DYNC1H1: variants seen among roughly 807,000 people sequenced by gnomAD.
DYNC1H1 encodes the protein dynein cytoplasmic 1 heavy chain 1, also known as cytoplasmic dynein 1 heavy chain 1.
DYNC1H1 carries 51 observed loss-of-function variants against 527.1 expected under a neutral mutation model. The observed-to-expected ratio is 0.10, with a 90% CI of 0.08 to 0.12. The LOEUF (loss-of-function observed/expected upper bound fraction) is 0.12. Among genes scored for constraint, DYNC1H1 ranks in the 10% least tolerant of loss-of-function variants. The pLI is 1.00. For missense variants in DYNC1H1, 2,771 were observed against 5,971.8 expected (o/e 0.46, Z 17.66); for synonymous variants, 2,189 against 2,278.8 (o/e 0.96, Z 1.12).
At chr14:102,014,545 A>T (rs1308489213) in intron 34 of DYNC1H1, among the ~76,000 whole-genome samples, 1 of 151,416 alleles carries the variant, frequency 6.6e-6, no homozygotes, top group African/African-American at 2.4e-5. Context: ...AAAAAAAAAA[A>T]CACCAGAGAC....
chr14:101,985,055 C>T lies in DYNC1H1; in HGVS notation c.1462-632C>T, dbSNP rs2047919272. 1.3e-5 allele frequency among the ~76,000 whole-genome samples: 2 copies of T among 151,524 alleles called. No homozygotes were observed. The highest frequency in any genetic ancestry group is 4.2e-4 in the South Asian group (2 of 4,806). On this transcript the variant is annotated intron_variant, in intron 7 of 77. Coordinates refer to ENST00000360184, the MANE Select transcript of DYNC1H1 (RefSeq NM_001376.5). The surrounding 1 kb of genome is among the most constrained non-coding windows in gnomAD (Gnocchi z 5.9). Reference sequence around the variant, plus strand: ...CCGGCCTCCCGAAGTGCTGGGATTACCATGCCCAGCCCATCCAAATCTTTA... The same window carrying T: ...CCGGCCTCCCGAAGTGCTGGGATTATCATGCCCAGCCCATCCAAATCTTTA...
rs1209412220 is a variant in DYNC1H1, at chr14:102,016,095, G to A, written c.7473+9G>A. On this transcript the variant is annotated intron_variant, in intron 36 of 77. Coordinates refer to ENST00000360184, the MANE Select transcript of DYNC1H1 (RefSeq NM_001376.5). This position sits in a 1 kb window ranked among gnomAD's most constrained non-coding sequence, Gnocchi z 7.3. Reference sequence around the variant, plus strand: ...TGGAGCGCTACATTCAGGTCAGGGGGCATCAGGGGCTTCACAGAGCTCACC... The same window carrying A: ...TGGAGCGCTACATTCAGGTCAGGGGACATCAGGGGCTTCACAGAGCTCACC... 3 of 1,595,676 alleles carry A rather than the reference G, an allele frequency of 1.9e-6. No individual in the cohort carries two copies. The highest frequency in any genetic ancestry group is 2.6e-6 in the Non-Finnish European group (3 of 1,171,952).
chr14:102,034,495 G>A, intron 56 of DYNC1H1, 43 bp downstream of exon 56: 1 of 1,611,480 alleles, frequency 6.2e-7, no homozygotes, highest in Non-Finnish European at 8.5e-7. Flanking sequence ...AGGAATGTGG[G>A]TGGTGATCTT....
At position 102,024,872 on chromosome 14, in the gene DYNC1H1, T is replaced by G. The variant is rs1368824386; in HGVS notation, c.8638-1702T>G. Among the ~76,000 whole-genome samples, 12 of 151,546 alleles carry G rather than the reference T, an allele frequency of 7.9e-5. No individual in the cohort carries two copies. The East Asian group carries it at 2.4e-3, about 30-fold the overall frequency. ...ACCACGCCCAGCTAATTTTTTGTATTTTTAGTAGAGATGGGGTTTCACCGT... is the reference window on the plus strand; with the variant it reads ...ACCACGCCCAGCTAATTTTTTGTATGTTTAGTAGAGATGGGGTTTCACCGT... On this transcript the variant is annotated intron_variant, in intron 43 of 77. Coordinates refer to ENST00000360184, the MANE Select transcript of DYNC1H1 (RefSeq NM_001376.5).
chr14:102,010,148 C>A lies in DYNC1H1; in HGVS notation c.6221+62C>A. ...GCATATGTTAAATGTGTCCATTTAA[C>A]CTTAAAATTTTTATATGTAATGATG... On this transcript the variant is annotated intron_variant, in intron 30 of 77. Coordinates refer to ENST00000360184, the MANE Select transcript of DYNC1H1 (RefSeq NM_001376.5). This position sits in a 1 kb window ranked among gnomAD's most constrained non-coding sequence, Gnocchi z 6.0. 7 of 1,612,800 alleles carry A rather than the reference C, an allele frequency of 4.3e-6. No homozygotes were observed. The South Asian group carries it at 6.6e-5, about 15-fold the overall frequency.
chr14:102,004,340 G>A (rs1177996491), intron 23 of DYNC1H1, among the ~76,000 whole-genome samples, 178 bp from the exon 24 acceptor site: 1 of 152,162 alleles, frequency 6.6e-6, no homozygotes, highest in Non-Finnish European at 1.5e-5. Context: ...GATCTTGTTA[G>A]GTAAGTGTGT....
chr14:102,023,703 G>A (rs2048415550), intron 43 of DYNC1H1: 1 of 152,922 alleles, frequency 6.5e-6, no homozygotes, highest in Non-Finnish European at 1.5e-5. Context: ...ACAAAAATTA[G>A]CCAGGCATGG....
intron 2 of DYNC1H1, among the ~76,000 whole-genome samples, chr14:101,977,463 A>G (rs1446883892): frequency 2.0e-5 from 3 of 152,186 alleles, no homozygotes; most frequent in African/African-American, 7.2e-5. Flanking sequence ...CTTTATCCCT[A>G]AATACTTGTG....
intron 73 of DYNC1H1, 66 bp from the exon 74 acceptor site, chr14:102,048,450 G>A: frequency 6.2e-7 from 1 of 1,609,508 alleles, no homozygotes; most frequent in South Asian, 1.1e-5. Flanking sequence ...AGTTACTTCT[G>A]TTTGACCTTT....
intron 12 of DYNC1H1, 36 bp downstream of exon 12, chr14:101,994,360 G>C: frequency 6.2e-7 from 1 of 1,613,722 alleles, no homozygotes; most frequent in Admixed American, 1.7e-5. Flanking sequence ...ATGTGCATAT[G>C]GTCTATTCTA....
At chr14:101,994,643 C>CT (rs1252485633) in intron 12 of DYNC1H1, 30 bp from the exon 13 acceptor site, 12 of 1,612,994 alleles carry the variant, frequency 7.4e-6, no homozygotes, top group Middle Eastern at 1.6e-4. Flanking sequence ...AAAACTCAAA[C>CT]TATTATTTAA....
intron 64 of DYNC1H1, chr14:102,040,892 G>C (rs560455728): frequency 1.7e-6 from 1 of 600,470 alleles, no homozygotes; most frequent in African/African-American, 1.8e-5. Context: ...CTGGGAGGTC[G>C]AGGTTGTGTG....
rs1448524738 is a variant in DYNC1H1, at chr14:102,017,415, A to G, written c.8088A>G (p.Ser2696=). The change falls in exon 40 of 78, where the codon TCA becomes TCG. Residue 2696 remains serine (S), a synonymous_variant. Coordinates refer to ENST00000360184, the MANE Select transcript of DYNC1H1 (RefSeq NM_001376.5). The surrounding 1 kb of genome is among the most constrained non-coding windows in gnomAD (Gnocchi z 4.6). ...MVEHGGFYRT[S]DQTWVKLERI... is the part of the protein sequence containing the mutation. ...AGCACGGAGGCTTTTACCGTACCTC[A>G]GATCAAACATGGGTGAAGCTGGAGA... The G allele has an allele frequency of 6.2e-7, 1 of 1,614,218 alleles. No homozygotes were observed. Among genetic ancestry groups the G allele is most frequent in the South Asian group, 1.1e-5 (1 of 91,092 alleles).
Position 102,012,429 on chromosome 14 carries a change from C to T in DYNC1H1, c.6973C>T (p.Leu2325=), listed in dbSNP as rs762862658. ...LNSVLDDNKL[L]TLPNGERLSL... is the part of the protein sequence containing the mutation. ...CTCAGTGCTGGATGACAATAAGCTC[C>T]TAACTTTGCCCAATGGAGAGCGCCT... Residue 2325 remains leucine, a synonymous_variant, in exon 34 of 78, where the codon CTA becomes TTA. Transcript: ENST00000360184. This position sits in a 1 kb window ranked among gnomAD's most constrained non-coding sequence, Gnocchi z 4.9. 4 of 1,614,094 alleles carry T rather than the reference C, an allele frequency of 2.5e-6. No individual in the cohort carries two copies. The highest frequency in any genetic ancestry group is 3.4e-6 in the Non-Finnish European group (4 of 1,180,040).
At position 102,038,916 on chromosome 14, in the gene DYNC1H1, G is replaced by A. The variant is rs1042747841; in HGVS notation, c.11206+68G>A. On this transcript the variant is annotated intron_variant, in intron 59 of 77. Coordinates refer to ENST00000360184, the MANE Select transcript of DYNC1H1 (RefSeq NM_001376.5). The surrounding 1 kb of genome is among the most constrained non-coding windows in gnomAD (Gnocchi z 7.2). ...AAGGGGCTGAACTTTTAAGTGACTA[G>A]GATGTTCCACGTTTGTGGCAAACAC... The A allele has an allele frequency of 1.2e-5, 19 of 1,612,902 alleles. No individual in the cohort carries two copies. In the Admixed American group the frequency reaches 2.8e-4, roughly 24 times the overall value.
At chr14:102,026,736 C>T in intron 44 of DYNC1H1, 29 bp downstream of exon 44, 1 of 1,610,566 alleles carries the variant, frequency 6.2e-7, no homozygotes, top group South Asian at 1.1e-5. Context: ...ACAGCCCCAC[C>T]TCTCGCCTAA....
chr14:102,034,503 C>A, intron 56 of DYNC1H1, 51 bp downstream of exon 56: 2 of 1,611,134 alleles, frequency 1.2e-6, no homozygotes, highest in Non-Finnish European at 8.5e-7. Flanking sequence ...GGGTGGTGAT[C>A]TTGAATTTTT....
chr14:101,973,782 C>T (rs1026567816), intron 1 of DYNC1H1, among the ~76,000 whole-genome samples: 4 of 151,990 alleles, frequency 2.6e-5, no homozygotes, highest in South Asian at 2.1e-4. Flanking sequence ...CCAGCCTGGG[C>T]GGCAGAGCAA....
chr14:102,047,641 G>GTGTGTATATATATATATATA lies in DYNC1H1; in HGVS notation c.13007-175_13007-174insGTGTATATATATATATATAT. The GTGTGTATATATATATATATA allele has an allele frequency of 2.5e-3, 806 of 316,456 alleles. 5 individuals are homozygous for GTGTGTATATATATATATATA. The highest frequency in any genetic ancestry group is 3.1e-3 in the Admixed American group (67 of 21,462). The allele number at this position is 316,456 out of a possible 1,614,324, so 19.6% of individuals were successfully genotyped here. ...TACACGTGTGTGTGTGTGTGTGTGTGTATATATATATATATATATATATGT... is the reference window on the plus strand; with the variant it reads ...TACACGTGTGTGTGTGTGTGTGTGTGTGTGTATATATATATATATATATATATATATATATATATATATGT... On this transcript the variant is annotated intron_variant, in intron 72 of 77. Transcript: ENST00000360184.
Sources: gnomAD v4.1 joint callset for allele counts (sites outside exome capture counted in the v4.1 genomes callset) on GRCh38, gnomAD v4.1.1 for gene constraint, Gnocchi (gnomAD v3.1) non-coding constraint, MANE v1.5 for transcripts, NCBI Gene and HGNC (gene_info 2026-07-23, HGNC 2026-07-21) for gene names.